SYTL2: variants seen among roughly 807,000 people sequenced by gnomAD.
The protein encoded by SYTL2 is synaptotagmin-like protein 2.
SYTL2 carries 165 observed loss-of-function variants against 198.7 expected under a neutral mutation model. That is an observed-to-expected ratio of 0.83 (90% confidence interval 0.73 to 0.94). SYTL2 has a LOEUF of 0.94. Ranked by LOEUF, SYTL2 falls within the 40% of genes least tolerant of loss-of-function variation. The pLI, the probability that SYTL2 is intolerant of heterozygous loss-of-function variation, is 0.00. For synonymous variants in SYTL2, 966 were observed against 917.7 expected, an observed-to-expected ratio of 1.05 and a Z score of -0.95; for missense variants, 2,835 against 2,582.8, an observed-to-expected ratio of 1.10 and a Z score of -2.12.
At chr11:85,743,368 G>A (rs2090938692) in intron 4 of SYTL2, among the ~76,000 whole-genome samples, 1 of 152,162 alleles carries the variant, frequency 6.6e-6, no homozygotes, top group South Asian at 2.1e-4. Flanking sequence ...CATGGCATGT[G>A]TTATAGGACT....
At chr11:85,713,716 T>C (rs1002778905) in intron 12 of SYTL2, among the ~76,000 whole-genome samples, 1 of 152,202 alleles carries the variant, frequency 6.6e-6, no homozygotes, top group African/African-American at 2.4e-5. Context: ...AAGAGTGAGA[T>C]GACAGAATGA....
upstream of SYTL2, among the ~76,000 whole-genome samples, chr11:85,811,668 T>C (rs2093035913): frequency 6.6e-6 from 1 of 152,164 alleles, no homozygotes; most frequent in Non-Finnish European, 1.5e-5. Context: ...AATGAAGTGA[T>C]GCTTTAAAAT....
chr11:85,726,898 T>A lies in SYTL2; in HGVS notation c.2460A>T (p.Glu820Asp), dbSNP rs960348497. 11 of 1,536,550 alleles carry A rather than the reference T, an allele frequency of 7.2e-6. No homozygotes were observed. Among genetic ancestry groups the A allele is most frequent in the Admixed American group, 5.9e-5 (3 of 50,988 alleles). The part of the protein sequence containing the change: ...HEKPTSSCSQ[E>D]QPSAKAYQPV... Reference sequence around the variant, plus strand: ...GCTGATATGCTTTAGCAGAAGGTTGTTCCTGGCTACATGAAGATGTGGGTT... The same window carrying A: ...GCTGATATGCTTTAGCAGAAGGTTGATCCTGGCTACATGAAGATGTGGGTT... Residue 820 changes from glutamate (E) to aspartate (D), a missense_variant, in exon 8 of 20, where the codon GAA becomes GAT. Glu to Asp is a conservative substitution (Grantham distance 45). Transcript: ENST00000359152.
At chr11:85,806,729 T>C (rs554315192) in intron 1 of SYTL2, among the ~76,000 whole-genome samples, 1 of 152,338 alleles carries the variant, frequency 6.6e-6, no homozygotes, top group South Asian at 2.1e-4. Flanking sequence ...ATCTCATTCA[T>C]CTGGATGTGG....
chr11:85,734,066 C>A lies in SYTL2; in HGVS notation c.1263G>T (p.Leu421=). 1 of 1,614,112 alleles carries A rather than the reference C, an allele frequency of 6.2e-7. No homozygotes were observed. The highest frequency in any genetic ancestry group is 8.5e-7 in the Non-Finnish European group (1 of 1,179,948). ...CAGTTAAAACTTCTGAATGAGAATGCAGCCCATTAATTGGAAAAGAACCAG... is the reference window on the plus strand; with the variant it reads ...CAGTTAAAACTTCTGAATGAGAATGAAGCCCATTAATTGGAAAAGAACCAG... ...MTSGSFPING[L]HSHSEVLTAR... Residue 421 remains leucine, a synonymous_variant, in exon 7 of 20, where the codon CTG becomes CTT. Transcript: ENST00000359152.
intron 1 of SYTL2, among the ~76,000 whole-genome samples, chr11:85,770,930 A>G (rs1336140356): frequency 1.3e-5 from 2 of 152,264 alleles, no homozygotes. Flanking sequence ...GCCCTATTAT[A>G]CAAGTTACTT....
intron 16 of SYTL2, 59 bp downstream of exon 16, chr11:85,704,799 C>A: frequency 7.0e-7 from 1 of 1,424,176 alleles, no homozygotes; most frequent in Non-Finnish European, 9.7e-7. Flanking sequence ...AAGCTTTTTC[C>A]TATACACTAG....
the SYTL2 span, among the ~76,000 whole-genome samples, chr11:85,833,040 AAAGAAAG>A: frequency 2.3e-3 from 55 of 23,452 alleles, 3 homozygotes; most frequent in African/African-American, 4.4e-3. Flanking sequence ...AGAAAGAAAG[AAAGAAAG>A]AAAGAAAGAA....
chr11:85,745,171 T>C (rs1352234697), intron 4 of SYTL2, among the ~76,000 whole-genome samples: 1 of 152,216 alleles, frequency 6.6e-6, no homozygotes, highest in Admixed American at 6.5e-5. Flanking sequence ...GTCTTGCCCA[T>C]AGTCAAATGG....
chr11:85,807,969 T>C (rs1227707718), intron 1 of SYTL2, among the ~76,000 whole-genome samples: 1 of 152,226 alleles, frequency 6.6e-6, no homozygotes, highest in East Asian at 1.9e-4. Flanking sequence ...TGTGTGTGTT[T>C]TTAAAATTTG....
intron 1 of SYTL2, among the ~76,000 whole-genome samples, chr11:85,807,502 G>A (rs911935202): frequency 1.3e-5 from 2 of 152,176 alleles, no homozygotes; most frequent in Non-Finnish European, 2.9e-5. Context: ...GATAGAATTT[G>A]TTTATTATCA....
In SYTL2 at chr11:85,725,136, A is replaced by G. The variant is rs753408113; in HGVS notation, c.4222T>C (p.Cys1408Arg). Residue 1408 changes from cysteine to arginine, a missense_variant, in exon 8 of 20, where the codon TGT becomes CGT. Transcript: ENST00000359152. ...PEFPEAVQPV[C>R]SPLNPPGVIS... The stretch of plus-strand genomic sequence containing the variant: ...ACTCCTGGAGGATTTAGGGGGCTAC[A>G]TACTGGCTGTACTGCTTCAGGAAAT... 1.9e-5 allele frequency: 31 copies of G among 1,614,018 alleles called. No homozygotes were observed. In the East Asian group the frequency reaches 5.6e-4, roughly 29 times the overall value.
the SYTL2 span, among the ~76,000 whole-genome samples, chr11:85,832,995 CAAA>C: frequency 1.6e-5 from 1 of 62,238 alleles, no homozygotes; most frequent in South Asian, 4.7e-4. Flanking sequence ...GACCCTGTCT[CAAA>C]AAAAAAAGAA....
At chr11:85,714,323 T>C in intron 12 of SYTL2, 90 bp downstream of exon 12, 1 of 1,049,076 alleles carries the variant, frequency 9.5e-7, no homozygotes, top group African/African-American at 1.6e-5. Context: ...CTTTGATCTC[T>C]GCCACAGTGG....
At chr11:85,852,248 A>G in the SYTL2 span, among the ~76,000 whole-genome samples, 57 of 152,348 alleles carry the variant, frequency 3.7e-4, no homozygotes, top group South Asian at 1.0e-3. Context: ...GGGAAGCCTA[A>G]AGGGGCCTCA....
chr11:85,696,031 C>T, intron 19 of SYTL2, 152 bp downstream of exon 19: 1 of 644,174 alleles, frequency 1.6e-6, no homozygotes, highest in Non-Finnish European at 2.7e-6. Context: ...TACAACCTGA[C>T]ATTTCTTTAC....
At chr11:85,819,296 T>G in the SYTL2 span, among the ~76,000 whole-genome samples, 1 of 152,220 alleles carries the variant, frequency 6.6e-6, no homozygotes, top group South Asian at 2.1e-4. Context: ...AAACAACTGT[T>G]TCAGTTATCT....
chr11:85,789,539 T>C (rs1486710942), intron 1 of SYTL2, among the ~76,000 whole-genome samples: 1 of 150,862 alleles, frequency 6.6e-6, no homozygotes, highest in Non-Finnish European at 1.5e-5. Context: ...CTGGCCAAAT[T>C]ATACATTTTG....
At chr11:85,729,493 G>A (rs2089584831) in intron 7 of SYTL2, among the ~76,000 whole-genome samples, 1 of 152,168 alleles carries the variant, frequency 6.6e-6, no homozygotes, top group African/African-American at 2.4e-5. Flanking sequence ...AGTGACTACT[G>A]GGTAAATAAC....
Sources: allele counts gnomAD v4.1 joint callset (sites outside exome capture counted in the v4.1 genomes callset), GRCh38; gene constraint gnomAD v4.1.1; transcripts MANE v1.5; gene names NCBI Gene and HGNC (gene_info 2026-07-23, HGNC 2026-07-21).